MICAL3: variants seen among roughly 807,000 people sequenced by gnomAD.
MICAL3 encodes microtubule associated monooxygenase, calponin and LIM domain containing 3.
A neutral mutation model predicts 207.4 loss-of-function variants in MICAL3; 62 were observed. The observed-to-expected ratio is 0.30, with a 90% CI of 0.24 to 0.37. The LOEUF (loss-of-function observed/expected upper bound fraction) is 0.37. Ranked by LOEUF, MICAL3 falls within the 10% of genes least tolerant of loss-of-function variation. MICAL3 has a pLI of 1.00. For synonymous variants in MICAL3, 1,077 were observed against 1,069.3 expected (o/e 1.01, Z -0.14); for missense variants, 2,368 against 2,635.6 (o/e 0.90, Z 2.22).
At chr22:17,833,877 C>T (rs1419625564) in intron 20 of MICAL3, among the ~76,000 whole-genome samples, 1 of 152,154 alleles carries the variant, frequency 6.6e-6, no homozygotes, top group Non-Finnish European at 1.5e-5. Flanking sequence ...GTACAGCTGT[C>T]CTGGCCCCAC....
chr22:17,881,249 G>A, intron 16 of MICAL3: 3 of 1,612,366 alleles, frequency 1.9e-6, no homozygotes, highest in South Asian at 1.1e-5. Flanking sequence ...GTAGGGGGAG[G>A]AGACAGGGTG....
intron 1 of MICAL3, among the ~76,000 whole-genome samples, chr22:17,938,474 C>T (rs753490167): frequency 5.3e-5 from 8 of 152,144 alleles, no homozygotes; most frequent in African/African-American, 1.4e-4. Flanking sequence ...CTTTTCCCTA[C>T]GCTGCTGTGT....
rs541289288 is a variant in MICAL3, at chr22:17,834,955, A to G, written c.2802-2848T>C. On this transcript the variant is annotated intron_variant, in intron 20 of 31. Transcript: ENST00000441493. ...CCTGGTTCCTCTTTCCCAGCTGAGC[A>G]GCCGGGGCCTGTGCAAGGCTGCCCA... is the stretch of plus-strand genomic sequence containing the variant. 3.9e-5 allele frequency among the ~76,000 whole-genome samples: 6 copies of G among 152,356 alleles called. No homozygotes were observed. In the South Asian group the frequency reaches 6.2e-4, roughly 16 times the overall value.
rs1928971307 is a variant in MICAL3, at chr22:17,877,580, A to AGGGAGGTTATGGAGGTGAGGGAG, written c.2242-5558_2242-5557insCTCCCTCACCTCCATAACCTCCC. Among the ~76,000 whole-genome samples, 21 of 75,982 alleles carry AGGGAGGTTATGGAGGTGAGGGAG rather than the reference A, an allele frequency of 2.8e-4. 2 individuals are homozygous for AGGGAGGTTATGGAGGTGAGGGAG. The highest frequency in any genetic ancestry group is 2.2e-3 in the Admixed American group (17 of 7,820). 49.8% of individuals were successfully genotyped at this position (75,982 alleles called of 152,430 possible). On this transcript the variant is annotated intron_variant, in intron 16 of 31. Transcript: ENST00000441493. ...TTATGGAGGTTAGGGAGGTTAGGGA[A>AGGGAGGTTATGGAGGTGAGGGAG]GTTATGGAGGTTAGGGAGGTTATGG... is the stretch of plus-strand genomic sequence containing the variant.
intron 29 of MICAL3, among the ~76,000 whole-genome samples, chr22:17,799,927 G>A (rs907419157): frequency 3.4e-5 from 5 of 149,198 alleles, no homozygotes; most frequent in Admixed American, 6.7e-5. Flanking sequence ...ACACACACGC[G>A]CGCTGGGAAA....
intron 19 of MICAL3, chr22:17,861,798 T>C (rs1239291234): frequency 1.0e-6 from 1 of 984,934 alleles, no homozygotes; most frequent in Non-Finnish European, 1.2e-6. Context: ...CAAACAGAAA[T>C]ACTGTAAACA....
In MICAL3 at chr22:17,793,056, G is replaced by A. The variant is rs961052169; in HGVS notation, c.5651-1755C>T. Reference sequence around the variant, plus strand: ...CCACGAAGATACAGAAAATGCCACCGGAGACGTGCGGACAGCGCTCACTAG... The same window carrying A: ...CCACGAAGATACAGAAAATGCCACCAGAGACGTGCGGACAGCGCTCACTAG... On this transcript the variant is annotated intron_variant, in intron 29 of 31. Transcript: ENST00000441493. The surrounding 1 kb of genome is among the most constrained non-coding windows in gnomAD (Gnocchi z 4.1). Among the ~76,000 whole-genome samples the A allele has an allele frequency of 9.2e-5, 14 of 152,166 alleles. No homozygotes were observed. Among genetic ancestry groups the A allele is most frequent in the Middle Eastern group, 3.2e-3 (1 of 316 alleles).
At chr22:17,799,984 G>A (rs922962042) in intron 29 of MICAL3, among the ~76,000 whole-genome samples, 7 of 139,104 alleles carry the variant, frequency 5.0e-5, no homozygotes, top group Non-Finnish European at 7.6e-5. Flanking sequence ...ACACACACAC[G>A]CGTTGGGAAA....
intron 16 of MICAL3, among the ~76,000 whole-genome samples, chr22:17,872,315 G>C (rs767449825): frequency 9.2e-5 from 14 of 152,148 alleles, no homozygotes; most frequent in Non-Finnish European, 1.9e-4. Context: ...CACCAGACTT[G>C]AGTAATGCTA....
At chr22:17,960,689 G>C (rs1029566792) in intron 1 of MICAL3, among the ~76,000 whole-genome samples, 1 of 152,142 alleles carries the variant, frequency 6.6e-6, no homozygotes, top group Non-Finnish European at 1.5e-5. Context: ...ATGGGGGTGA[G>C]AGGGTGGGGG....
chr22:17,895,852 T>A (rs772495569), intron 9 of MICAL3, among the ~76,000 whole-genome samples: 1 of 152,238 alleles, frequency 6.6e-6, no homozygotes, highest in East Asian at 1.9e-4. Context: ...CTAATTCTTC[T>A]GGTTAAGGCA....
intron 5 of MICAL3, 33 bp from the exon 6 acceptor site, chr22:17,901,030 C>A: frequency 6.2e-7 from 1 of 1,609,152 alleles, no homozygotes; most frequent in Non-Finnish European, 8.5e-7. Context: ...AGGTGATAAT[C>A]ATTGGCTAGA....
intron 1 of MICAL3, among the ~76,000 whole-genome samples, chr22:17,939,886 C>T (rs957366970): frequency 2.0e-5 from 3 of 152,164 alleles, no homozygotes; most frequent in African/African-American, 4.8e-5. Context: ...TAAAAGACAT[C>T]GGGACCAGCA....
chr22:17,976,516 TG>T lies in MICAL3; in HGVS notation c.-75+47764del, dbSNP rs1935635472. Among the ~76,000 whole-genome samples the T allele has an allele frequency of 2.1e-5, 3 of 146,314 alleles. No individual in the cohort carries two copies. The South Asian group carries it at 6.4e-4, about 31-fold the overall frequency. On this transcript the variant is annotated intron_variant, in intron 1 of 31. Coordinates refer to ENST00000441493, the MANE Select transcript of MICAL3 (RefSeq NM_015241.3). ...AGTGGCATGATGAATAAAATATACA[TG>T]TATATATGTGTATATATATGTGTGT...
chr22:17,883,043 C>T (rs1307674911), intron 16 of MICAL3, among the ~76,000 whole-genome samples: 1 of 152,202 alleles, frequency 6.6e-6, no homozygotes, highest in African/African-American at 2.4e-5. Context: ...CTCTGCTCCT[C>T]CCACCTCAGG....
intron 1 of MICAL3, among the ~76,000 whole-genome samples, chr22:17,968,115 T>C (rs1347293825): frequency 1.3e-5 from 2 of 151,418 alleles, no homozygotes; most frequent in Non-Finnish European, 2.9e-5. Flanking sequence ...AGTAGGTAAA[T>C]AGATGCAAGT....
chr22:18,022,253 A>C (rs908816063), intron 1 of MICAL3, among the ~76,000 whole-genome samples: 1 of 151,844 alleles, frequency 6.6e-6, no homozygotes, highest in African/African-American at 2.4e-5. Flanking sequence ...TTACCCTGGG[A>C]CTCCAATTTT....
intron 29 of MICAL3, among the ~76,000 whole-genome samples, chr22:17,808,126 A>C (rs2062006753): frequency 6.6e-6 from 1 of 152,228 alleles, no homozygotes; most frequent in African/African-American, 2.4e-5. Context: ...CTCTGTGCCC[A>C]ACTATGCTGA....
intron 27 of MICAL3, among the ~76,000 whole-genome samples, chr22:17,811,778 A>G (rs2062050691): frequency 6.6e-6 from 1 of 152,188 alleles, no homozygotes; most frequent in African/African-American, 2.4e-5. Context: ...AGAGGGTCTC[A>G]TTGTCACCCA....
Sources: gnomAD v4.1 joint callset for allele counts (sites outside exome capture counted in the v4.1 genomes callset) on GRCh38, gnomAD v4.1.1 for gene constraint, Gnocchi (gnomAD v3.1) non-coding constraint, MANE v1.5 for transcripts, NCBI Gene and HGNC (gene_info 2026-07-23, HGNC 2026-07-21) for gene names.